Variants in SGPP2 observed in about 807,000 individuals in gnomAD.
The protein encoded by SGPP2 is sphingosine-1-phosphate phosphatase 2.
SGPP2 carries 30 observed loss-of-function variants against 33.9 expected under a neutral mutation model. The observed-to-expected ratio is 0.89, with a 90% CI of 0.66 to 1.20. The LOEUF (loss-of-function observed/expected upper bound fraction) is 1.20. Among genes scored for constraint, SGPP2 ranks in the 50% most tolerant of loss-of-function variants. The pLI is 0.00. For missense variants in SGPP2, 458 were observed against 532.1 expected (o/e 0.86, Z 1.37); for synonymous variants, 233 against 225.0 (o/e 1.04, Z -0.32).
chr2:222,473,691 G>A (rs547468984), intron 1 of SGPP2, among the ~76,000 whole-genome samples: 12 of 152,260 alleles, frequency 7.9e-5, no homozygotes, highest in Admixed American at 3.3e-4. Flanking sequence ...TTGGGAGGCC[G>A]AGGTGGGTGG....
rs1689281387 is a variant in SGPP2, at chr2:222,550,845, C to G, written c.649-7502C>G. ...TTAAATGGCATGAGCTGAAATAACC[C>G]AACAAGAACCAAACAGGAATCATCC... On this transcript the variant is annotated intron_variant, in intron 4 of 4. Coordinates refer to ENST00000321276, the MANE Select transcript of SGPP2 (RefSeq NM_152386.4). The surrounding 1 kb of genome is among the most constrained non-coding windows in gnomAD (Gnocchi z 4.5). Among the ~76,000 whole-genome samples the G allele has an allele frequency of 6.6e-6, 1 of 151,198 alleles. No homozygotes were observed. Among genetic ancestry groups the G allele is most frequent in the Non-Finnish European group, 1.5e-5 (1 of 67,998 alleles).
intron 1 of SGPP2, among the ~76,000 whole-genome samples, chr2:222,437,555 A>C (rs1399482358): frequency 2.0e-5 from 3 of 152,200 alleles, no homozygotes; most frequent in Non-Finnish European, 4.4e-5. Flanking sequence ...AGGTGGCAGG[A>C]GTGGAGACCA....
At chr2:222,553,647 T>C (rs1428346485) in intron 4 of SGPP2, among the ~76,000 whole-genome samples, 1 of 152,222 alleles carries the variant, frequency 6.6e-6, no homozygotes, top group East Asian at 1.9e-4. Context: ...ATCAGGGCAG[T>C]GTGGCCTAGA....
At chr2:222,471,008 G>A (rs1203476211) in intron 1 of SGPP2, among the ~76,000 whole-genome samples, 2 of 152,220 alleles carry the variant, frequency 1.3e-5, no homozygotes, top group Non-Finnish European at 2.9e-5. Context: ...TATCTTAGCA[G>A]AGAGGTGAAA....
intron 3 of SGPP2, among the ~76,000 whole-genome samples, chr2:222,523,410 G>T (rs1291756089): frequency 4.6e-5 from 7 of 152,142 alleles, no homozygotes; most frequent in Non-Finnish European, 8.8e-5. Context: ...GCTCCCATTG[G>T]GTTGATCTTG....
chr2:222,513,456 C>T (rs745636908), intron 2 of SGPP2, among the ~76,000 whole-genome samples: 6 of 152,126 alleles, frequency 3.9e-5, no homozygotes, highest in Non-Finnish European at 7.3e-5. Flanking sequence ...AGCACAGTAC[C>T]TGGTCCATAT....
At chr2:222,554,272 A>G (rs1259310430) in intron 4 of SGPP2, among the ~76,000 whole-genome samples, 1 of 152,212 alleles carries the variant, frequency 6.6e-6, no homozygotes, top group Non-Finnish European at 1.5e-5. Flanking sequence ...TACTGTATGC[A>G]CTGTTCTGCA....
rs149786887 is a variant in SGPP2 at position 222,477,351 on chromosome 2, GT to G, written c.378+2626del. ...TGTCTATGTGTGTGTGTATAGGTGT[GT>G]ATATATGTGTATGTGTGTATATAGG... On this transcript the variant is annotated intron_variant, in intron 2 of 4. Transcript: ENST00000321276. The surrounding 1 kb of genome is among the most constrained non-coding windows in gnomAD (Gnocchi z 6.0). Among the ~76,000 whole-genome samples the G allele has an allele frequency of 0.14, 20,899 of 151,390 alleles. 1,548 individuals carry two copies. The highest frequency in any genetic ancestry group is 0.19 in the East Asian group (979 of 5,148).
In SGPP2 at chr2:222,561,278, C is replaced by T. The variant is rs1470242531; in HGVS notation, c.*2380C>T. Among the ~76,000 whole-genome samples, 1 of 152,080 alleles carries T rather than the reference C, an allele frequency of 6.6e-6. No homozygotes were observed. Reference sequence around the variant, plus strand: ...GGGGAAGGGCCTTAGCTTACAGGTACTCCCAGCCTTCATCTGCCCCTGCAG... The same window carrying T: ...GGGGAAGGGCCTTAGCTTACAGGTATTCCCAGCCTTCATCTGCCCCTGCAG... On this transcript the variant is annotated 3_prime_UTR_variant, in exon 5 of 5. Transcript: ENST00000321276.
At chr2:222,475,742 T>C (rs1432689326) in intron 2 of SGPP2, among the ~76,000 whole-genome samples, 1 of 152,186 alleles carries the variant, frequency 6.6e-6, no homozygotes, top group African/African-American at 2.4e-5. Context: ...TTGTGTCTCA[T>C]TGAAGGAGAT....
chr2:222,543,868 C>T (rs140408091), intron 4 of SGPP2, among the ~76,000 whole-genome samples: 119 of 152,228 alleles, frequency 7.8e-4, no homozygotes, highest in African/African-American at 2.5e-3. Flanking sequence ...TCATTTTCTC[C>T]AATGCTGGAC....
chr2:222,560,325 T>G lies in SGPP2; in HGVS notation c.*1427T>G, dbSNP rs998755384. 6 of 152,248 alleles carry G rather than the reference T, an allele frequency of 3.9e-5. No homozygotes were observed. The highest frequency in any genetic ancestry group is 3.3e-4 in the Admixed American group (5 of 15,280). The allele number at this position is 152,248 out of a possible 1,614,324, so 9.4% of individuals were successfully genotyped here. The stretch of plus-strand genomic sequence containing the variant: ...CCTTCTGTAAATCTATTTTCTCATC[T>G]ACTGAATAGAATCAGGCGCCCTTTT... On this transcript the variant is annotated 3_prime_UTR_variant, in exon 5 of 5. Coordinates refer to ENST00000321276, the MANE Select transcript of SGPP2 (RefSeq NM_152386.4).
At chr2:222,518,584 C>T (rs931413838) in intron 2 of SGPP2, among the ~76,000 whole-genome samples, 1 of 152,094 alleles carries the variant, frequency 6.6e-6, no homozygotes, top group Non-Finnish European at 1.5e-5. Flanking sequence ...GTCGGTAATA[C>T]CTGCCAGTTT....
intron 1 of SGPP2, among the ~76,000 whole-genome samples, chr2:222,442,052 T>C (rs775922236): frequency 3.7e-4 from 57 of 152,234 alleles, no homozygotes; most frequent in Non-Finnish European, 6.6e-4. Flanking sequence ...TACATAATGT[T>C]CTTTTGCACT....
chr2:222,484,015 G>C (rs757154688), intron 2 of SGPP2, among the ~76,000 whole-genome samples: 32 of 152,214 alleles, frequency 2.1e-4, no homozygotes, highest in Non-Finnish European at 4.1e-4. Flanking sequence ...TTTAGCCTTA[G>C]TTAAATATTA....
intron 1 of SGPP2, among the ~76,000 whole-genome samples, chr2:222,467,949 T>TAAAAAAAAAAAAAAAAAAAAAAAAAAAA (rs1388078752): frequency 9.7e-5 from 1 of 10,348 alleles, no homozygotes; most frequent in African/African-American, 1.8e-4. Context: ...AGCTCTAATC[T>TAAAAAAAAAAAAAAAAAAAAAAAAAAAA]GAAAAAAAAA....
At chr2:222,496,357 A>G (rs1430017116) in intron 2 of SGPP2, among the ~76,000 whole-genome samples, 2 of 152,228 alleles carry the variant, frequency 1.3e-5, no homozygotes, top group Non-Finnish European at 2.9e-5. Flanking sequence ...TTCATTTAAT[A>G]AAGACTTACC....
chr2:222,477,416 T>C lies in SGPP2; in HGVS notation c.378+2690T>C, dbSNP rs117965161. Reference sequence around the variant, plus strand: ...GTATAGGTGTGTATATATGTGTGTTTATAGGTATGTATATATGTGTGAATG... The same window carrying C: ...GTATAGGTGTGTATATATGTGTGTTCATAGGTATGTATATATGTGTGAATG... On this transcript the variant is annotated intron_variant, in intron 2 of 4. Transcript: ENST00000321276. The surrounding 1 kb of genome is among the most constrained non-coding windows in gnomAD (Gnocchi z 6.0). Among the ~76,000 whole-genome samples the C allele has an allele frequency of 0.074, 11,274 of 151,744 alleles. 1,258 individuals are homozygous for C. The highest frequency in any genetic ancestry group is 0.56 in the East Asian group (2,857 of 5,080).
At position 222,476,273 on chromosome 2, in the gene SGPP2, G is replaced by T. The variant is rs1418423449; in HGVS notation, c.378+1547G>T. Among the ~76,000 whole-genome samples the T allele has an allele frequency of 2.0e-5, 3 of 152,074 alleles. No homozygotes were observed. The highest frequency in any genetic ancestry group is 4.4e-5 in the Non-Finnish European group (3 of 68,012). On this transcript the variant is annotated intron_variant, in intron 2 of 4. Transcript: ENST00000321276. This position sits in a 1 kb window ranked among gnomAD's most constrained non-coding sequence, Gnocchi z 4.3. The stretch of plus-strand genomic sequence containing the variant: ...AAATTCGAATGTTCTCAGGGGCAGG[G>T]GACAGAAATAAAGCAGCAATGTCCT...
Sources: gnomAD v4.1 joint callset for allele counts (sites outside exome capture counted in the v4.1 genomes callset) on GRCh38, gnomAD v4.1.1 for gene constraint, Gnocchi (gnomAD v3.1) non-coding constraint, MANE v1.5 for transcripts, NCBI Gene and HGNC (gene_info 2026-07-23, HGNC 2026-07-21) for gene names.